The following PCDHA6 variants were observed in gnomAD, a reference collection of about 807,000 sequenced individuals.
PCDHA6 encodes the protein protocadherin alpha-6.
A neutral mutation model predicts 60.3 loss-of-function variants in PCDHA6; 55 were observed. The observed-to-expected ratio is 0.91, with a 90% CI of 0.73 to 1.14. The LOEUF is 1.14. Ranked by LOEUF, PCDHA6 falls within the 50% of genes most tolerant of loss-of-function variation. The probability of loss-of-function intolerance (pLI) is 0.00; values close to 1 mark genes in which losing one functional copy is unlikely to be tolerated. For synonymous variants in PCDHA6, 652 were observed against 557.9 expected, an observed-to-expected ratio of 1.17 and a Z score of -2.38; for missense variants, 1,327 against 1,256.5, an observed-to-expected ratio of 1.06 and a Z score of -0.85.
At chr5:140,928,271 C>G in intron 1 of PCDHA6, 2 of 1,614,186 alleles carry the variant, frequency 1.2e-6, no homozygotes, top group East Asian at 4.5e-5. Flanking sequence ...AACAATGGCC[C>G]TGGGGCCTCT....
intron 1 of PCDHA6, chr5:140,882,358 G>A: frequency 1.9e-6 from 3 of 1,614,232 alleles, no homozygotes; most frequent in Non-Finnish European, 2.5e-6. Context: ...GTAGTGGCCA[G>A]CTCCACTACT....
intron 3 of PCDHA6, among the ~76,000 whole-genome samples, chr5:141,006,870 G>A (rs782345830): frequency 1.1e-4 from 16 of 152,174 alleles, no homozygotes; most frequent in Non-Finnish European, 1.5e-4. Flanking sequence ...GAATAGATTC[G>A]AGGAATCAAG....
chr5:140,846,941 G>T (rs1422705277), intron 1 of PCDHA6, among the ~76,000 whole-genome samples: 2 of 149,652 alleles, frequency 1.3e-5, no homozygotes, highest in Admixed American at 1.3e-4. Flanking sequence ...AGAAATACTT[G>T]AAGGGGCATG....
At chr5:140,926,873 C>T in intron 1 of PCDHA6, 1 of 1,525,502 alleles carries the variant, frequency 6.6e-7, no homozygotes, top group Non-Finnish European at 8.8e-7. Context: ...GTTGGTGGAA[C>T]GTGGACGCCT....
At chr5:140,862,912 C>T (rs1554157229) in intron 1 of PCDHA6, 1 of 550,038 alleles carries the variant, frequency 1.8e-6, no homozygotes, top group Non-Finnish European at 3.5e-6. Flanking sequence ...GCTGCTGGCG[C>T]CTTGGGTGGG....
rs1053953271 is a variant in PCDHA6 at position 140,853,589 on chromosome 5, C to G, written c.2394+23104C>G. 1.4e-5 allele frequency: 14 copies of G among 986,246 alleles called. 3 individuals are homozygous for G. The highest frequency in any genetic ancestry group is 1.7e-5 in the Non-Finnish European group (14 of 818,496). 61.1% of individuals were successfully genotyped at this position (986,246 alleles called of 1,614,324 possible). A position where few individuals can be genotyped will look rare whatever the true frequency, so the allele number is the denominator to read the frequency against. The stretch of plus-strand genomic sequence containing the variant: ...AAGTTGTCACCCAATATCTTAGACA[C>G]TTTGAGAGCAAAGGGGGTGCTGTAA... On this transcript the variant is annotated intron_variant, in intron 1 of 3. Coordinates refer to ENST00000529310, the MANE Select transcript of PCDHA6 (RefSeq NM_018909.4).
intron 1 of PCDHA6, chr5:140,869,287 C>G (rs782369184): frequency 6.2e-7 from 1 of 1,613,538 alleles, no homozygotes; most frequent in South Asian, 1.1e-5. Flanking sequence ...GCTGGTGCAG[C>G]GCCTGTTCCG....
intron 1 of PCDHA6, chr5:140,842,566 C>T (rs2150339391): frequency 1.0e-5 from 15 of 1,503,446 alleles, no homozygotes; most frequent in Non-Finnish European, 1.4e-5. Flanking sequence ...CCCTGGACCG[C>T]GAGAGAGTGT....
At chr5:140,964,118 C>G (rs1325218833) in intron 1 of PCDHA6, among the ~76,000 whole-genome samples, 1 of 151,942 alleles carries the variant, frequency 6.6e-6, no homozygotes, top group African/African-American at 2.4e-5. Flanking sequence ...CAATCACATT[C>G]TAACAACTAG....
chr5:140,996,262 C>G (rs943119390), intron 3 of PCDHA6, among the ~76,000 whole-genome samples: 1 of 152,182 alleles, frequency 6.6e-6, no homozygotes. Flanking sequence ...CAACACAGAG[C>G]CTGGGATTGC....
intron 1 of PCDHA6, chr5:140,884,593 C>A: frequency 6.2e-7 from 1 of 1,614,162 alleles, no homozygotes; most frequent in Non-Finnish European, 8.5e-7. Flanking sequence ...TCAGTCCCAG[C>A]CTTCCTCCTT....
At chr5:140,997,884 C>G (rs2097789340) in intron 3 of PCDHA6, among the ~76,000 whole-genome samples, 1 of 152,076 alleles carries the variant, frequency 6.6e-6, no homozygotes, top group African/African-American at 2.4e-5. Context: ...AGTATTTATA[C>G]AGGATAAATT....
intron 1 of PCDHA6, among the ~76,000 whole-genome samples, chr5:140,932,861 G>A (rs1554209099): frequency 6.6e-6 from 1 of 151,858 alleles, no homozygotes; most frequent in Non-Finnish European, 1.5e-5. Flanking sequence ...ATGACTTATT[G>A]TCTTTTGTTG....
At chr5:140,858,424 C>A in intron 1 of PCDHA6, 1 of 1,553,410 alleles carries the variant, frequency 6.4e-7, no homozygotes, top group Non-Finnish European at 8.8e-7. Flanking sequence ...TTGGAGGGGA[C>A]CACTCTAGGA....
At chr5:140,863,405 C>T (rs1554158176) in intron 1 of PCDHA6, 11 of 799,522 alleles carry the variant, frequency 1.4e-5, no homozygotes, top group Non-Finnish European at 2.3e-5. Context: ...GGCAAGCCCA[C>T]GCTGGTGTAC....
At chr5:140,841,918 C>G (rs2150325531) in intron 1 of PCDHA6, 33 of 1,613,726 alleles carry the variant, frequency 2.0e-5, no homozygotes, top group Non-Finnish European at 2.6e-5. Flanking sequence ...TAAGAAAATC[C>G]TTGGACAGAG....
In PCDHA6 at chr5:140,843,242, G is replaced by T. The variant is rs2150355808; in HGVS notation, c.2394+12757G>T. On this transcript the variant is annotated intron_variant, in intron 1 of 3. Transcript: ENST00000529310. Reference sequence around the variant, plus strand: ...CACCACTCGTGTCCTGGACGAAGCGGACTCTCCGCGCCACCGTCTGCTGGT... The same window carrying T: ...CACCACTCGTGTCCTGGACGAAGCGTACTCTCCGCGCCACCGTCTGCTGGT... 2.5e-5 allele frequency: 40 copies of T among 1,596,002 alleles called. 3 individuals carry two copies. In the African/African-American group the frequency reaches 3.4e-4, roughly 13 times the overall value.
intron 1 of PCDHA6, among the ~76,000 whole-genome samples, chr5:140,880,789 A>G (rs917582554): frequency 1.3e-5 from 2 of 152,230 alleles, no homozygotes; most frequent in African/African-American, 4.8e-5. Flanking sequence ...TAGAGGAGTA[A>G]TATAAATAGG....
intron 3 of PCDHA6, among the ~76,000 whole-genome samples, chr5:140,999,088 G>A (rs1429141341): frequency 1.3e-5 from 2 of 152,274 alleles, no homozygotes; most frequent in African/African-American, 4.8e-5. Flanking sequence ...TCCTTCAGAG[G>A]GCTATGGAGA....
Sources: allele counts gnomAD v4.1 joint callset (sites outside exome capture counted in the v4.1 genomes callset), GRCh38; gene constraint gnomAD v4.1.1; transcripts MANE v1.5; gene names NCBI Gene and HGNC (gene_info 2026-07-23, HGNC 2026-07-21).